Variants in ARL14EPL observed in about 807,000 individuals in gnomAD.
The protein encoded by ARL14EPL is ARL14 effector protein-like.
Under a neutral mutation model 15.9 loss-of-function variants are expected in ARL14EPL, and 17 were observed. The ratio of observed to expected loss-of-function variants is 1.07; its 90% confidence interval spans 0.73 to 1.60. The LOEUF (loss-of-function observed/expected upper bound fraction) is 1.60. ARL14EPL is among the 40% of genes most tolerant of loss of function. The pLI, the probability that ARL14EPL is intolerant of heterozygous loss-of-function variation, is 0.00. For synonymous variants in ARL14EPL, 78 were observed against 63.8 expected (o/e 1.22, Z -1.06); for missense variants, 214 against 185.9 (o/e 1.15, Z -0.88).
chr5:116,046,204 T>C (rs990569564), intron 1 of ARL14EPL, among the ~76,000 whole-genome samples: 1 of 152,212 alleles, frequency 6.6e-6, no homozygotes, highest in Non-Finnish European at 1.5e-5. Context: ...TCTAAATATA[T>C]TCCAAGAGAT....
intron 1 of ARL14EPL, among the ~76,000 whole-genome samples, chr5:116,033,799 T>A (rs1198241880): frequency 1.3e-5 from 2 of 152,230 alleles, no homozygotes; most frequent in Non-Finnish European, 2.9e-5. Flanking sequence ...CTAAAAAGTT[T>A]GTTTCGTGAA....
At chr5:116,052,255 G>A (rs564494229) in intron 2 of ARL14EPL, 6 of 1,589,160 alleles carry the variant, frequency 3.8e-6, no homozygotes, top group Admixed American at 1.7e-5. Flanking sequence ...ACTTTCCAGC[G>A]TCCTTCTTCT....
intron 1 of ARL14EPL, among the ~76,000 whole-genome samples, chr5:116,040,716 A>C (rs1366994884): frequency 6.6e-6 from 1 of 151,122 alleles, no homozygotes; most frequent in Admixed American, 6.6e-5. Flanking sequence ...TTGTGTAAAG[A>C]GTTTTTATGC....
intron 1 of ARL14EPL, among the ~76,000 whole-genome samples, chr5:116,041,649 A>G (rs1411813215): frequency 6.6e-6 from 1 of 152,118 alleles, no homozygotes; most frequent in Non-Finnish European, 1.5e-5. Context: ...GTCAGAGCCT[A>G]GACAACCCCT....
At chr5:116,056,039 G>A (rs572032617) in intron 3 of ARL14EPL, among the ~76,000 whole-genome samples, 20 of 152,218 alleles carry the variant, frequency 1.3e-4, no homozygotes, top group Admixed American at 9.2e-4. Context: ...TCTTAATCCA[G>A]TCTATCATTG....
At chr5:116,058,679 G>A (rs1161875613) in intron 3 of ARL14EPL, 46 bp from the exon 4 acceptor site, 14 of 1,495,312 alleles carry the variant, frequency 9.4e-6, no homozygotes, top group Admixed American at 3.9e-5. Flanking sequence ...TCTCAATGTT[G>A]AGGATGATTG....
intron 1 of ARL14EPL, among the ~76,000 whole-genome samples, chr5:116,045,797 C>G (rs1054773247): frequency 3.4e-5 from 5 of 148,030 alleles, no homozygotes; most frequent in African/African-American, 1.2e-4. Flanking sequence ...TACGAAAATA[C>G]AACTACAAAA....
intron 1 of ARL14EPL, among the ~76,000 whole-genome samples, chr5:116,041,141 T>C (rs1235750936): frequency 6.6e-6 from 1 of 152,122 alleles, no homozygotes; most frequent in Non-Finnish European, 1.5e-5. Context: ...CATCATGCAG[T>C]AGTATGGTAC....
chr5:116,058,980 T>G lies in ARL14EPL; in HGVS notation c.*33T>G. 1 of 1,518,748 alleles carries G rather than the reference T, an allele frequency of 6.6e-7. No homozygotes were observed. The highest frequency in any genetic ancestry group is 1.4e-5 in the African/African-American group (1 of 72,784). 94.1% of individuals were successfully genotyped at this position (1,518,748 alleles called of 1,614,324 possible). On this transcript the variant is annotated 3_prime_UTR_variant, in exon 4 of 4. Transcript: ENST00000686077. ...TGTATATGGACTGATTTGTTTCTTC[T>G]TCTTACACATTTAAGTTGACCTCTT...
chr5:116,056,607 C>T (rs1471913332), intron 3 of ARL14EPL, among the ~76,000 whole-genome samples: 5 of 152,114 alleles, frequency 3.3e-5, no homozygotes, highest in African/African-American at 7.2e-5. Context: ...TGCCTGTTCA[C>T]TCTGATGGTA....
At chr5:116,035,944 A>G (rs747175875) in intron 1 of ARL14EPL, among the ~76,000 whole-genome samples, 1 of 152,260 alleles carries the variant, frequency 6.6e-6, no homozygotes, top group Non-Finnish European at 1.5e-5. Context: ...GGAAGCAAAC[A>G]GGAAGGAGCA....
At chr5:116,042,962 T>C (rs1438535428) in intron 1 of ARL14EPL, among the ~76,000 whole-genome samples, 1 of 152,104 alleles carries the variant, frequency 6.6e-6, no homozygotes, top group Non-Finnish European at 1.5e-5. Flanking sequence ...GTTTTCTATT[T>C]TTTTACAGCT....
At chr5:116,054,183 G>A in intron 3 of ARL14EPL, 30 bp downstream of exon 3, 2 of 1,511,734 alleles carry the variant, frequency 1.3e-6, no homozygotes, top group South Asian at 1.2e-5. Context: ...TATTTGATCT[G>A]TGGGATTATG....
At chr5:116,036,325 C>T (rs1749049437) in intron 1 of ARL14EPL, among the ~76,000 whole-genome samples, 1 of 152,186 alleles carries the variant, frequency 6.6e-6, no homozygotes. Context: ...AAAACACATA[C>T]ATCTTCCGTA....
chr5:116,055,218 A>T (rs1749486867), intron 3 of ARL14EPL, among the ~76,000 whole-genome samples: 1 of 152,336 alleles, frequency 6.6e-6, no homozygotes, highest in East Asian at 1.9e-4. Flanking sequence ...ATGAGATATG[A>T]ATTAAGTGTA....
chr5:116,045,871 C>T (rs1749258432), intron 1 of ARL14EPL, among the ~76,000 whole-genome samples: 1 of 151,904 alleles, frequency 6.6e-6, no homozygotes, highest in African/African-American at 2.4e-5. Context: ...CATTGATTAT[C>T]TAACAACACT....
chr5:116,042,036 G>T (rs1247119570), intron 1 of ARL14EPL, among the ~76,000 whole-genome samples: 1 of 152,052 alleles, frequency 6.6e-6, no homozygotes, highest in Admixed American at 6.6e-5. Context: ...TCACCATGTT[G>T]TCTAGGCTGG....
At chr5:116,034,258 C>A (rs137997215) in intron 1 of ARL14EPL, among the ~76,000 whole-genome samples, 460 of 152,282 alleles carry the variant, frequency 3.0e-3, no homozygotes, top group Middle Eastern at 6.8e-3. Flanking sequence ...TAGGGACAAT[C>A]CTTAGTGATG....
chr5:116,037,386 T>A (rs1243277421), intron 1 of ARL14EPL, among the ~76,000 whole-genome samples: 1 of 152,198 alleles, frequency 6.6e-6, no homozygotes, highest in Admixed American at 6.5e-5. Flanking sequence ...CCTCTGCAGG[T>A]CCCACACATC....
Sources: gnomAD v4.1 joint callset for allele counts (sites outside exome capture counted in the v4.1 genomes callset) on GRCh38, gnomAD v4.1.1 for gene constraint, MANE v1.5 for transcripts, NCBI Gene and HGNC (gene_info 2026-07-23, HGNC 2026-07-21) for gene names.